Variants in KRCC1 observed in about 807,000 individuals in gnomAD.
KRCC1 encodes lysine-rich coiled-coil protein 1.
A neutral mutation model predicts 7.4 loss-of-function variants in KRCC1; 3 were observed. The ratio of observed to expected loss-of-function variants is 0.40; its 90% CI spans 0.18 to 1.04. KRCC1 has a LOEUF of 1.04. Among genes scored for constraint, KRCC1 ranks in the 50% least tolerant of loss-of-function variants. The pLI is 0.33. For missense variants in KRCC1, 277 were observed against 300.9 expected (o/e 0.92, Z 0.59); for synonymous variants, 102 against 101.6 (o/e 1.00, Z -0.02).
chr2:88,047,130 T>C (rs1673354087), intron 1 of KRCC1, among the ~76,000 whole-genome samples: 1 of 152,256 alleles, frequency 6.6e-6, no homozygotes, highest in South Asian at 2.1e-4. Flanking sequence ...TCATTCTACT[T>C]TTCTTAATTC....
intron 1 of KRCC1, among the ~76,000 whole-genome samples, chr2:88,051,398 T>A (rs1285944509): frequency 9.5e-6 from 1 of 105,594 alleles, no homozygotes; most frequent in Non-Finnish European, 2.5e-5. Flanking sequence ...ACTGGAAACA[T>A]GACAATTCTT....
chr2:88,042,510 C>A (rs1673234196), intron 1 of KRCC1, among the ~76,000 whole-genome samples: 1 of 151,664 alleles, frequency 6.6e-6, no homozygotes. Context: ...CCTTAACTCC[C>A]GGGCTCAAGT....
intron 3 of KRCC1, among the ~76,000 whole-genome samples, chr2:88,033,567 T>G (rs1673036591): frequency 6.6e-6 from 1 of 152,206 alleles, no homozygotes; most frequent in African/African-American, 2.4e-5. Context: ...ATGTTGATAA[T>G]TGTTGAAATT....
At chr2:88,030,021 T>C (rs1396761496) in intron 3 of KRCC1, among the ~76,000 whole-genome samples, 1 of 150,790 alleles carries the variant, frequency 6.6e-6, no homozygotes, top group Non-Finnish European at 1.5e-5. Flanking sequence ...CTAATTTTTG[T>C]ATTTTTAGTA....
intron 1 of KRCC1, among the ~76,000 whole-genome samples, chr2:88,051,221 C>A (rs1673476564): frequency 6.6e-6 from 1 of 152,044 alleles, no homozygotes; most frequent in African/African-American, 2.4e-5. Context: ...CCACCATGAA[C>A]AACCTTTGCC....
rs762888937 is a variant in KRCC1, at chr2:88,027,829, C to T, written c.735G>A (p.Arg245=). 22 of 1,604,624 alleles carry T rather than the reference C, an allele frequency of 1.4e-5. No individual in the cohort carries two copies. In the East Asian group the frequency reaches 4.2e-4, roughly 31 times the overall value. The change falls in exon 4 of 4, where the codon AGG becomes AGA. Residue 245 remains arginine (R), a synonymous_variant. Transcript: ENST00000347055. ...GGTCCCAAAGCATTTCCTCCTCTGT[C>T]CTTTCTTGGCCTTGTTCCTTTTTCT... ...TKKKKEQGQE[R]TEEEMLWDQS... is the part of the protein sequence containing the mutation.
intron 1 of KRCC1, among the ~76,000 whole-genome samples, chr2:88,054,532 G>A (rs1673569500): frequency 6.6e-6 from 1 of 152,164 alleles, no homozygotes; most frequent in Non-Finnish European, 1.5e-5. Context: ...CTCTGTGGGA[G>A]GATAGTATTT....
At chr2:88,046,679 T>C (rs1333065556) in intron 1 of KRCC1, among the ~76,000 whole-genome samples, 1 of 152,232 alleles carries the variant, frequency 6.6e-6, no homozygotes, top group Non-Finnish European at 1.5e-5. Context: ...ACTTTCTGTT[T>C]GGTTTTTTTG....
chr2:88,051,391 G>A (rs1465449487), intron 1 of KRCC1, among the ~76,000 whole-genome samples: 1 of 146,176 alleles, frequency 6.8e-6, no homozygotes, highest in East Asian at 1.9e-4. Context: ...TTTAATAACT[G>A]GAAACATGAC....
intron 2 of KRCC1, 92 bp downstream of exon 2, chr2:88,036,851 C>T (rs905387180): frequency 9.9e-5 from 15 of 152,282 alleles, no homozygotes; most frequent in African/African-American, 3.4e-4. Flanking sequence ...CAATACTTTT[C>T]TTGTATGGAT....
chr2:88,049,852 C>G (rs151068166), intron 1 of KRCC1, among the ~76,000 whole-genome samples: 4 of 152,238 alleles, frequency 2.6e-5, no homozygotes, highest in Non-Finnish European at 5.9e-5. Context: ...TTCTTCCAGG[C>G]TGCCAACTTC....
At chr2:88,041,072 GA>G (rs1368642560) in intron 1 of KRCC1, among the ~76,000 whole-genome samples, 1 of 152,120 alleles carries the variant, frequency 6.6e-6, no homozygotes, top group East Asian at 1.9e-4. Flanking sequence ...AATAGGGGAA[GA>G]AAAAGAGACT....
chr2:88,028,553 G>T lies in KRCC1; in HGVS notation c.11C>A (p.Ser4Ter). Residue 4 changes from serine to a stop codon, truncating the protein, a stop_gained, in exon 4 of 4, where the codon TCA (serine) becomes TAA (stop). Coordinates refer to ENST00000347055, the MANE Select transcript of KRCC1 (RefSeq NM_016618.3). LOFTEE classifies it high-confidence loss of function. ...TTGAAAAGAGTCATATGTCTTCTTT[G>T]AATGCTTCATTAGGTTGACAAAACG... MKH[S>*]KKTYDSFQDE... The T allele has an allele frequency of 6.2e-7, 1 of 1,602,468 alleles. No individual in the cohort carries two copies. Among genetic ancestry groups the T allele is most frequent in the South Asian group, 1.1e-5 (1 of 90,186 alleles).
intron 1 of KRCC1, among the ~76,000 whole-genome samples, chr2:88,047,345 G>A (rs559223337): frequency 6.6e-6 from 1 of 152,276 alleles, no homozygotes; most frequent in Non-Finnish European, 1.5e-5. Context: ...GGCCTCCCAA[G>A]TGCTGGGATT....
In KRCC1 at chr2:88,028,591, A is replaced by G; in HGVS notation, c.-22-6T>C. 6.6e-7 allele frequency: 1 copy of G among 1,523,362 alleles called. No homozygotes were observed. The highest frequency in any genetic ancestry group is 8.9e-7 in the Non-Finnish European group (1 of 1,118,744). The allele number at this position is 1,523,362 out of a possible 1,614,324, so 94.4% of individuals were successfully genotyped here. ...GGTTGACAAAACGGGATTTTCTGCA[A>G]AAAAGGGAGAAAATTCTTACCAGAT... On this transcript the variant is annotated splice_region_variant and splice_polypyrimidine_tract_variant and intron_variant, in intron 3 of 3. Transcript: ENST00000347055.
At chr2:88,036,617 A>G (rs1280598901) in intron 2 of KRCC1, among the ~76,000 whole-genome samples, 3 of 152,174 alleles carry the variant, frequency 2.0e-5, no homozygotes, top group South Asian at 4.1e-4. Context: ...GGGATCTATA[A>G]TATCTCTTGA....
intron 3 of KRCC1, among the ~76,000 whole-genome samples, chr2:88,029,426 G>A (rs922717683): frequency 1.1e-4 from 17 of 152,180 alleles, no homozygotes; most frequent in African/African-American, 3.9e-4. Context: ...GATTGGGAAT[G>A]CTGAAAATCA....
intron 1 of KRCC1, among the ~76,000 whole-genome samples, chr2:88,040,538 A>T (rs1673187997): frequency 6.6e-6 from 1 of 152,204 alleles, no homozygotes; most frequent in Admixed American, 6.5e-5. Flanking sequence ...TCTGTTTTTT[A>T]CTTTTGCAAG....
intron 3 of KRCC1, among the ~76,000 whole-genome samples, chr2:88,029,852 ATAT>A (rs1375307555): frequency 3.7e-5 from 1 of 27,190 alleles, no homozygotes; most frequent in Non-Finnish European, 1.0e-4. Context: ...ATATATATAT[ATAT>A]TTTTTTTTTT....
Sources: gnomAD v4.1 joint callset for allele counts (sites outside exome capture counted in the v4.1 genomes callset) on GRCh38, gnomAD v4.1.1 for gene constraint, MANE v1.5 for transcripts, NCBI Gene and HGNC (gene_info 2026-07-23, HGNC 2026-07-21) for gene names.